The following LPP variants were observed in gnomAD, a reference collection of about 807,000 sequenced individuals.
The protein encoded by LPP is lipoma-preferred partner.
A neutral mutation model predicts 60.4 loss-of-function variants in LPP; 38 were observed. The observed-to-expected ratio is 0.63, with a 90% CI of 0.49 to 0.83. The LOEUF is 0.83. LPP is among the 40% of genes least tolerant of loss of function. LPP has a pLI of 0.00. For missense variants in LPP, 902 were observed against 783.6 expected, an observed-to-expected ratio of 1.15 and a Z score of -1.80; for synonymous variants, 328 against 290.8, an observed-to-expected ratio of 1.13 and a Z score of -1.30.
intron 2 of LPP, among the ~76,000 whole-genome samples, chr3:188,245,356 C>T (rs1726541693): frequency 6.6e-6 from 1 of 152,178 alleles, no homozygotes; most frequent in Admixed American, 6.5e-5. Flanking sequence ...CGTGATCTGC[C>T]TGCCTCGGCC....
intron 6 of LPP, among the ~76,000 whole-genome samples, chr3:188,534,175 G>T (rs1230119993): frequency 2.0e-5 from 3 of 152,178 alleles, no homozygotes; most frequent in Non-Finnish European, 4.4e-5. Flanking sequence ...GTGCCATGGG[G>T]TGTTCATTCA....
intron 2 of LPP, among the ~76,000 whole-genome samples, chr3:188,264,545 A>G (rs1323455024): frequency 1.3e-5 from 2 of 152,084 alleles, no homozygotes; most frequent in East Asian, 3.9e-4. Flanking sequence ...CCTCTTTAGG[A>G]GGTTGGAGCT....
chr3:188,228,570 G>A (rs1718675996), intron 2 of LPP, among the ~76,000 whole-genome samples: 1 of 152,280 alleles, frequency 6.6e-6, no homozygotes, highest in East Asian at 1.9e-4. Context: ...GATCGATTGA[G>A]GCCAGGATTT....
rs762300555 is a variant in LPP, at chr3:188,250,836, CT to C, written c.-67+25313del. Among the ~76,000 whole-genome samples, 1,237 of 134,010 alleles carry C rather than the reference CT, an allele frequency of 9.2e-3. 27 individuals carry two copies. The highest frequency in any genetic ancestry group is 0.032 in the African/African-American group (1,137 of 35,524). The allele number at this position is 134,010 out of a possible 152,430, so 87.9% of individuals were successfully genotyped here. A position where few individuals can be genotyped will look rare whatever the true frequency, so the allele number is the denominator to read the frequency against. ...TTTCTTTCTTTCTTTTTCTTTCTTT[CT>C]TTTCTTTTTCTCTTTCTCTCTTTCT... On this transcript the variant is annotated intron_variant, in intron 2 of 11. Transcript: ENST00000617246.
At chr3:188,596,432 A>T (rs765459949) in intron 6 of LPP, among the ~76,000 whole-genome samples, 1 of 152,164 alleles carries the variant, frequency 6.6e-6, no homozygotes, top group African/African-American at 2.4e-5. Context: ...CTTGGAAATT[A>T]TACCTTTCTG....
At chr3:188,434,184 T>G (rs1380835840) in intron 4 of LPP, among the ~76,000 whole-genome samples, 2 of 152,214 alleles carry the variant, frequency 1.3e-5, no homozygotes, top group Admixed American at 6.5e-5. Context: ...TTTCGAACTT[T>G]GTTTTTTCTG....
At chr3:188,855,197 A>G (rs1051911583) in intron 9 of LPP, among the ~76,000 whole-genome samples, 3 of 152,222 alleles carry the variant, frequency 2.0e-5, no homozygotes, top group Non-Finnish European at 2.9e-5. Context: ...TTTAAAAGAT[A>G]TATTCTTGCT....
Position 188,203,420 on chromosome 3 carries a change from A to ATATT in LPP, c.-189-21985_-189-21984insTATT, listed in dbSNP as rs370853021. 4.7e-4 allele frequency among the ~76,000 whole-genome samples: 43 copies of ATATT among 92,470 alleles called. 1 individual carries two copies. In the Admixed American group the frequency reaches 4.9e-3, roughly 11 times the overall value. The allele number at this position is 92,470 out of a possible 152,430, so 60.7% of individuals were successfully genotyped here. A position where few individuals can be genotyped will look rare whatever the true frequency, so the allele number is the denominator to read the frequency against. ...TATATATTTTTATAAATATATATATAATATAAATATAAATATATATTTATA... is the reference window on the plus strand; with the variant it reads ...TATATATTTTTATAAATATATATATATATTATATAAATATAAATATATATTTATA... On this transcript the variant is annotated intron_variant, in intron 1 of 11. Coordinates refer to ENST00000617246, the MANE Select transcript of LPP (RefSeq NM_001375462.1).
intron 9 of LPP, among the ~76,000 whole-genome samples, chr3:188,825,610 C>G (rs1039877638): frequency 6.6e-6 from 1 of 151,898 alleles, no homozygotes; most frequent in African/African-American, 2.4e-5. Context: ...TGTCTCTGCT[C>G]TTGAAGATAC....
At position 188,155,158 on chromosome 3, in the gene LPP, G is replaced by A. The variant is rs372028277; in HGVS notation, c.-190+906G>A. Among the ~76,000 whole-genome samples the A allele has an allele frequency of 3.3e-5, 5 of 152,158 alleles. No individual in the cohort carries two copies. The East Asian group carries it at 7.7e-4, about 23-fold the overall frequency. ...CTAATCAGTGGAATTGTGCCTGGGT[G>A]CTTGGACAGGGCAGAGTCTTTGGAA... On this transcript the variant is annotated intron_variant, in intron 1 of 11. Coordinates refer to ENST00000617246, the MANE Select transcript of LPP (RefSeq NM_001375462.1).
chr3:188,580,611 A>G (rs1393569616), intron 6 of LPP, among the ~76,000 whole-genome samples: 1 of 152,228 alleles, frequency 6.6e-6, no homozygotes, highest in Non-Finnish European at 1.5e-5. Context: ...GGTGGGAATC[A>G]TTATGTAGCA....
chr3:188,328,095 A>G (rs956782745), intron 2 of LPP, among the ~76,000 whole-genome samples: 2 of 152,144 alleles, frequency 1.3e-5, no homozygotes, highest in African/African-American at 2.4e-5. Flanking sequence ...GAAGGATAAA[A>G]AGTAATTGTG....
chr3:188,852,542 T>C (rs1268654179), intron 9 of LPP, among the ~76,000 whole-genome samples: 1 of 152,204 alleles, frequency 6.6e-6, no homozygotes, highest in Non-Finnish European at 1.5e-5. Flanking sequence ...ATTTTGGAAG[T>C]AGGTTAGTTA....
intron 2 of LPP, among the ~76,000 whole-genome samples, chr3:188,243,452 GGGGTGGTGTCTCAGAA>G (rs1239523826): frequency 6.6e-6 from 1 of 152,188 alleles, no homozygotes; most frequent in Non-Finnish European, 1.5e-5. Context: ...CCGGGGGCTT[GGGGTGGTGTCTCAGAA>G]GGCCGGATCT....
chr3:188,514,997 G>A (rs1816923727), intron 5 of LPP, among the ~76,000 whole-genome samples: 1 of 152,106 alleles, frequency 6.6e-6, no homozygotes, highest in Non-Finnish European at 1.5e-5. Flanking sequence ...GGGTGAGTGT[G>A]TTAGGGCTGA....
At chr3:188,420,257 T>C (rs1023465354) in intron 4 of LPP, among the ~76,000 whole-genome samples, 5 of 152,160 alleles carry the variant, frequency 3.3e-5, no homozygotes, top group Non-Finnish European at 7.4e-5. Flanking sequence ...TTTTTTGAAT[T>C]TGCATTACAC....
intron 1 of LPP, among the ~76,000 whole-genome samples, chr3:188,156,506 C>G (rs933383999): frequency 6.6e-6 from 1 of 152,108 alleles, no homozygotes; most frequent in African/African-American, 2.4e-5. Context: ...CCCCCTGCTG[C>G]CCAATTCCAA....
At chr3:188,399,067 G>C (rs1781625236) in intron 3 of LPP, among the ~76,000 whole-genome samples, 2 of 152,196 alleles carry the variant, frequency 1.3e-5, no homozygotes, top group South Asian at 2.1e-4. Flanking sequence ...ACTCATAAAA[G>C]CTTGTGAGCA....
intron 3 of LPP, among the ~76,000 whole-genome samples, chr3:188,369,436 C>T (rs796634167): frequency 6.6e-6 from 1 of 152,004 alleles, no homozygotes; most frequent in African/African-American, 2.4e-5. Flanking sequence ...ATCAAACAAT[C>T]GTTTGGAACC....
Sources: allele counts gnomAD v4.1 joint callset (sites outside exome capture counted in the v4.1 genomes callset), GRCh38; gene constraint gnomAD v4.1.1; transcripts MANE v1.5; gene names NCBI Gene and HGNC (gene_info 2026-07-23, HGNC 2026-07-21).